CDKN2AIPNL: variants seen among roughly 807,000 people sequenced by gnomAD.
The protein encoded by CDKN2AIPNL is XRN2 binding domain containing 1, also known as CDKN2AIP N-terminal-like protein.
CDKN2AIPNL carries 9 observed loss-of-function variants against 12.9 expected under a neutral mutation model. That is an observed-to-expected ratio of 0.70 (90% CI 0.42 to 1.22). The LOEUF is 1.22. Ranked by LOEUF, CDKN2AIPNL falls within the 50% of genes most tolerant of loss-of-function variation. CDKN2AIPNL has a pLI of 0.00. For missense variants in CDKN2AIPNL, 143 were observed against 153.6 expected (o/e 0.93, Z 0.37); for synonymous variants, 53 against 61.7 (o/e 0.86, Z 0.66).
rs775611807 is a variant in CDKN2AIPNL at position 134,411,860 on chromosome 5, C to T, written c.-6G>A. On this transcript the variant is annotated 5_prime_UTR_variant, in exon 1 of 3. Coordinates refer to ENST00000458198, the MANE Select transcript of CDKN2AIPNL (RefSeq NM_080656.3). ...GCCGCCTCGCCACCGACCATGGTGCCCGCCGCAGCCGAGGACCGGATAGCC... is the reference window on the plus strand; with the variant it reads ...GCCGCCTCGCCACCGACCATGGTGCTCGCCGCAGCCGAGGACCGGATAGCC... 1.1e-5 allele frequency: 17 copies of T among 1,559,858 alleles called. No homozygotes were observed. Among genetic ancestry groups the T allele is most frequent in the Middle Eastern group, 1.8e-4 (1 of 5,488 alleles).
At chr5:134,404,840 C>T (rs1275952627) in intron 2 of CDKN2AIPNL, among the ~76,000 whole-genome samples, 1 of 152,158 alleles carries the variant, frequency 6.6e-6, no homozygotes, top group East Asian at 1.9e-4. Context: ...GGCTAGAGTA[C>T]AGCGGTGCCA....
At chr5:134,407,248 CCCTT>C (rs1424524951) in intron 2 of CDKN2AIPNL, among the ~76,000 whole-genome samples, 2 of 116,746 alleles carry the variant, frequency 1.7e-5, no homozygotes, top group East Asian at 2.5e-4. Context: ...TTCAGAAAGA[CCCTT>C]CCTAACACAC....
intron 2 of CDKN2AIPNL, among the ~76,000 whole-genome samples, chr5:134,408,641 C>T (rs1759143554): frequency 6.6e-6 from 1 of 151,650 alleles, no homozygotes; most frequent in Non-Finnish European, 1.5e-5. Flanking sequence ...GCCCAGATCG[C>T]ACCACCTCAC....
Position 134,409,932 on chromosome 5 carries a change from A to AT in CDKN2AIPNL, c.309dup (p.Phe104IlefsTer6), listed in dbSNP as rs748733219. ...TTCATTAATTCACTTCTGGTAGTAA[A>AT]TTGTGGCAGGTCTTCCACTTCAATC... On this transcript the variant is annotated frameshift_variant, in exon 2 of 3. Coordinates refer to ENST00000458198, the MANE Select transcript of CDKN2AIPNL (RefSeq NM_080656.3). LOFTEE classifies it high-confidence loss of function. The AT allele has an allele frequency of 1.2e-6, 2 of 1,611,970 alleles. No homozygotes were observed. Among genetic ancestry groups the AT allele is most frequent in the East Asian group, 4.5e-5 (2 of 44,868 alleles).
At position 134,408,548 on chromosome 5, in the gene CDKN2AIPNL, G is replaced by A. The variant is rs183262110; in HGVS notation, c.339+1355C>T. Among the ~76,000 whole-genome samples, 5 of 151,116 alleles carry A rather than the reference G, an allele frequency of 3.3e-5. No homozygotes were observed. The East Asian group carries it at 9.7e-4, about 29-fold the overall frequency. ...AAAAAAAAAAAAATTGGCTGGGCGT[G>A]GTGGCAGGCGCCTGTAGTCCCAGCT... On this transcript the variant is annotated intron_variant, in intron 2 of 2. Transcript: ENST00000458198.
intron 2 of CDKN2AIPNL, among the ~76,000 whole-genome samples, chr5:134,405,320 T>C (rs539647789): frequency 4.6e-5 from 7 of 151,408 alleles, no homozygotes; most frequent in African/African-American, 1.7e-4. Context: ...TTAGCCAAGA[T>C]GGTCTCGATC....
chr5:134,408,600 G>T (rs1162055717), intron 2 of CDKN2AIPNL, among the ~76,000 whole-genome samples: 1 of 151,288 alleles, frequency 6.6e-6, no homozygotes, highest in African/African-American at 2.4e-5. Flanking sequence ...CAGGAGAATG[G>T]TGTGAACCTG....
rs1348482232 is a variant in CDKN2AIPNL, at chr5:134,411,151, A to G, written c.239+465T>C. 4.7e-5 allele frequency: 33 copies of G among 701,976 alleles called. No individual in the cohort carries two copies. The East Asian group carries it at 7.0e-4, about 15-fold the overall frequency. The allele number at this position is 701,976 out of a possible 1,614,324, so 43.5% of individuals were successfully genotyped here. ...TCTCATTAGTGATTAAAATCCATCAATCCTGCCAGAAGCTGCATGGCCCCA... is the reference window on the plus strand; with the variant it reads ...TCTCATTAGTGATTAAAATCCATCAGTCCTGCCAGAAGCTGCATGGCCCCA... On this transcript the variant is annotated intron_variant, in intron 1 of 2. Transcript: ENST00000458198.
chr5:134,407,903 G>A (rs978006474), intron 2 of CDKN2AIPNL, among the ~76,000 whole-genome samples: 1 of 152,084 alleles, frequency 6.6e-6, no homozygotes, highest in African/African-American at 2.4e-5. Flanking sequence ...TGGGAAGCTG[G>A]GCAGATCACT....
chr5:134,407,161 C>T (rs1759117039), intron 2 of CDKN2AIPNL, among the ~76,000 whole-genome samples: 1 of 151,830 alleles, frequency 6.6e-6, no homozygotes. Context: ...TCACACTGTG[C>T]AATGACAGTG....
intron 1 of CDKN2AIPNL, among the ~76,000 whole-genome samples, chr5:134,411,379 T>C (rs1759188218): frequency 6.6e-6 from 1 of 152,194 alleles, no homozygotes; most frequent in African/African-American, 2.4e-5. Flanking sequence ...CTTCACCCTT[T>C]AATTATTACA....
intron 2 of CDKN2AIPNL, among the ~76,000 whole-genome samples, chr5:134,409,607 T>G (rs1156240535): frequency 6.6e-6 from 1 of 152,176 alleles, no homozygotes; most frequent in Non-Finnish European, 1.5e-5. Context: ...GAAACTTAAG[T>G]ATTCTAGCCA....
At chr5:134,403,593 G>A (rs1286376761) in intron 2 of CDKN2AIPNL, among the ~76,000 whole-genome samples, 1 of 152,200 alleles carries the variant, frequency 6.6e-6, no homozygotes, top group Non-Finnish European at 1.5e-5. Context: ...GAGATTTCAA[G>A]GTATGACCTA....
At chr5:134,403,894 G>A (rs912775577) in intron 2 of CDKN2AIPNL, among the ~76,000 whole-genome samples, 3 of 152,224 alleles carry the variant, frequency 2.0e-5, no homozygotes, top group Non-Finnish European at 4.4e-5. Flanking sequence ...AAAGTGCTGG[G>A]ATTAGAGGCG....
At chr5:134,404,747 A>T (rs1213350278) in intron 2 of CDKN2AIPNL, among the ~76,000 whole-genome samples, 2 of 152,114 alleles carry the variant, frequency 1.3e-5, no homozygotes, top group African/African-American at 4.8e-5. Flanking sequence ...CAATGCACAA[A>T]AGCAGGCACA....
At chr5:134,408,599 G>C (rs1044062318) in intron 2 of CDKN2AIPNL, among the ~76,000 whole-genome samples, 2 of 151,008 alleles carry the variant, frequency 1.3e-5, no homozygotes, top group African/African-American at 2.4e-5. Context: ...GCAGGAGAAT[G>C]GTGTGAACCT....
chr5:134,411,826 A>G lies in CDKN2AIPNL; in HGVS notation c.29T>C (p.Val10Ala), dbSNP rs1010182836. MVGGEAAAA[V>A]EELVSGVRQA... ...CCGCACCCCCGAAACCAGCTCCTCCACTGCGGCAGCCGCCTCGCCACCGAC... is the reference window on the plus strand; with the variant it reads ...CCGCACCCCCGAAACCAGCTCCTCCGCTGCGGCAGCCGCCTCGCCACCGAC... Residue 10 changes from valine (V) to alanine (A), a missense_variant, in exon 1 of 3, where the codon GTG becomes GCG. Coordinates refer to ENST00000458198, the MANE Select transcript of CDKN2AIPNL (RefSeq NM_080656.3). 1.3e-6 allele frequency: 2 copies of G among 1,585,538 alleles called. No individual in the cohort carries two copies. The highest frequency in any genetic ancestry group is 1.4e-5 in the African/African-American group (1 of 73,930).
intron 1 of CDKN2AIPNL, 70 bp from the exon 2 acceptor site, chr5:134,410,072 G>GCC (rs1243601548): frequency 9.1e-7 from 1 of 1,094,652 alleles, no homozygotes; most frequent in African/African-American, 1.6e-5. Context: ...AGAAACTGCA[G>GCC]GTTGCTCAAC....
At chr5:134,404,346 CAG>C (rs1198893952) in intron 2 of CDKN2AIPNL, among the ~76,000 whole-genome samples, 3 of 152,220 alleles carry the variant, frequency 2.0e-5, no homozygotes, top group Non-Finnish European at 4.4e-5. Context: ...ACTTTGGAGA[CAG>C]GGTCTCACTC....
Sources: allele counts gnomAD v4.1 joint callset (sites outside exome capture counted in the v4.1 genomes callset), GRCh38; gene constraint gnomAD v4.1.1; transcripts MANE v1.5; gene names NCBI Gene and HGNC (gene_info 2026-07-23, HGNC 2026-07-21).